The following SH3PXD2B variants were observed in gnomAD, a reference collection of about 807,000 sequenced individuals.
SH3PXD2B encodes SH3 and PX domains 2B.
In SH3PXD2B, 37 loss-of-function variants were observed where a neutral mutation model predicts 73.1. That is an observed-to-expected ratio of 0.51 (90% CI 0.39 to 0.67). SH3PXD2B has a LOEUF of 0.67. SH3PXD2B is among the 30% of genes least tolerant of loss of function. SH3PXD2B has a pLI of 0.00. For missense variants in SH3PXD2B, 1,053 were observed against 1,197.8 expected (o/e 0.88, Z 1.78); for synonymous variants, 457 against 480.5 (o/e 0.95, Z 0.64).
intron 12 of SH3PXD2B, among the ~76,000 whole-genome samples, chr5:172,342,853 T>C (rs1031343794): frequency 6.6e-6 from 1 of 152,124 alleles, no homozygotes; most frequent in African/African-American, 2.4e-5. Context: ...TTGTGGCCCT[T>C]CTGGGAGAGG....
chr5:172,454,470 G>A lies in SH3PXD2B; in HGVS notation c.-118C>T. 2.3e-6 allele frequency: 1 copy of A among 431,418 alleles called. No individual in the cohort carries two copies. Among genetic ancestry groups the A allele is most frequent in the Non-Finnish European group, 3.2e-6 (1 of 311,076 alleles). The allele number at this position is 431,418 out of a possible 1,614,324, so 26.7% of individuals were successfully genotyped here. ...TGGAGCTGAGCGCAATCGCAGCCGGGGCCGAGCACGAGCCGCCGCCGCCAC... is the reference window on the plus strand; with the variant it reads ...TGGAGCTGAGCGCAATCGCAGCCGGAGCCGAGCACGAGCCGCCGCCGCCAC... On this transcript the variant is annotated 5_prime_UTR_variant, in exon 1 of 13. Transcript: ENST00000311601.
At chr5:172,366,500 G>A (rs1191185650) in intron 6 of SH3PXD2B, among the ~76,000 whole-genome samples, 1 of 152,236 alleles carries the variant, frequency 6.6e-6, no homozygotes, top group African/African-American at 2.4e-5. Context: ...CTTTGCAGAG[G>A]CTATTTTCTC....
At position 172,400,023 on chromosome 5, in the gene SH3PXD2B, C is replaced by G. The variant is rs141384557; in HGVS notation, c.233-5384G>C. On this transcript the variant is annotated intron_variant, in intron 3 of 12. Transcript: ENST00000311601. ...ATGTTACCACGGGTGATAAATACCC[C>G]CCTCTGTGCCTTGAACATGCACCTG... Among the ~76,000 whole-genome samples the G allele has an allele frequency of 2.6e-3, 396 of 152,280 alleles. 1 individual carries two copies. The highest frequency in any genetic ancestry group is 9.0e-3 in the African/African-American group (373 of 41,552).
At chr5:172,424,614 G>A (rs1030142485) in intron 1 of SH3PXD2B, among the ~76,000 whole-genome samples, 1 of 152,220 alleles carries the variant, frequency 6.6e-6, no homozygotes, top group Non-Finnish European at 1.5e-5. Context: ...TCAGGACAAG[G>A]TTGGAGGTGA....
intron 12 of SH3PXD2B, among the ~76,000 whole-genome samples, chr5:172,342,631 T>A (rs1371326245): frequency 6.6e-6 from 1 of 152,050 alleles, no homozygotes; most frequent in South Asian, 2.1e-4. Flanking sequence ...TGTGGTGGCA[T>A]GCGCCTGTAA....
At chr5:172,449,684 T>C (rs1191746204) in intron 1 of SH3PXD2B, among the ~76,000 whole-genome samples, 1 of 152,142 alleles carries the variant, frequency 6.6e-6, no homozygotes, top group African/African-American at 2.4e-5. Flanking sequence ...TTTGCACCTA[T>C]TGGATTGGCA....
In SH3PXD2B at chr5:172,337,614, A is replaced by G. The variant is rs1312564964; in HGVS notation, c.*755T>C. On this transcript the variant is annotated 3_prime_UTR_variant, in exon 13 of 13. Coordinates refer to ENST00000311601, the MANE Select transcript of SH3PXD2B (RefSeq NM_001017995.3). ...TGAAATGCTCCAAGTTGGGGTGGGA[A>G]CTCTCATTGAAAAGCCCTGGAGGGA... 1.0e-6 allele frequency: 1 copy of G among 985,260 alleles called. No homozygotes were observed. The highest frequency in any genetic ancestry group is 1.1e-4 in the East Asian group (1 of 8,816). 61.0% of individuals were successfully genotyped at this position (985,260 alleles called of 1,614,324 possible).
At chr5:172,359,024 T>A (rs1757342997) in intron 7 of SH3PXD2B, 147 bp from the exon 8 acceptor site, 1 of 785,918 alleles carries the variant, frequency 1.3e-6, no homozygotes, top group Admixed American at 2.0e-5. Context: ...CAACTACCAA[T>A]GTTACCTGCT....
In SH3PXD2B at chr5:172,355,278, C is replaced by G. The variant is rs564035636; in HGVS notation, c.668-1273G>C. Among the ~76,000 whole-genome samples the G allele has an allele frequency of 1.3e-3, 197 of 152,356 alleles. 1 individual carries two copies. The highest frequency in any genetic ancestry group is 2.0e-3 in the Non-Finnish European group (135 of 68,038). Reference sequence around the variant, plus strand: ...TTTATTTATTGATCTAGCCTGCTGACCTGCTCGGCGGGGGCCGAGCTGACT... The same window carrying G: ...TTTATTTATTGATCTAGCCTGCTGAGCTGCTCGGCGGGGGCCGAGCTGACT... On this transcript the variant is annotated intron_variant, in intron 8 of 12. Coordinates refer to ENST00000311601, the MANE Select transcript of SH3PXD2B (RefSeq NM_001017995.3).
At chr5:172,424,038 C>T (rs1346069151) in intron 1 of SH3PXD2B, among the ~76,000 whole-genome samples, 1 of 152,094 alleles carries the variant, frequency 6.6e-6, no homozygotes, top group Non-Finnish European at 1.5e-5. Flanking sequence ...GGCTACCCAT[C>T]CTCACTGGGG....
chr5:172,347,041 G>A (rs925609888), intron 11 of SH3PXD2B, among the ~76,000 whole-genome samples: 4 of 152,204 alleles, frequency 2.6e-5, no homozygotes, highest in African/African-American at 9.6e-5. Context: ...GCAGAAGGCA[G>A]GTCCTGAGGC....
intron 6 of SH3PXD2B, among the ~76,000 whole-genome samples, chr5:172,370,055 T>C (rs1006621964): frequency 4.6e-5 from 7 of 152,202 alleles, no homozygotes; most frequent in Non-Finnish European, 8.8e-5. Context: ...TGTACCTGTC[T>C]TGTTCATTCA....
intron 4 of SH3PXD2B, among the ~76,000 whole-genome samples, chr5:172,386,191 C>T (rs572892379): frequency 1.2e-4 from 18 of 152,224 alleles, no homozygotes; most frequent in South Asian, 4.1e-4. Flanking sequence ...ATCTGTAAAG[C>T]GGAAATAAAG....
At chr5:172,435,285 T>C (rs532924225) in intron 1 of SH3PXD2B, among the ~76,000 whole-genome samples, 2 of 152,328 alleles carry the variant, frequency 1.3e-5, no homozygotes, top group South Asian at 2.1e-4. Context: ...GTGAGTCAAT[T>C]TGAAGAATAC....
chr5:172,328,664 T>C (rs201932359), downstream of SH3PXD2B, among the ~76,000 whole-genome samples: 3 of 152,086 alleles, frequency 2.0e-5, no homozygotes, highest in East Asian at 5.8e-4. Flanking sequence ...CTGGCAGTCA[T>C]GGTGTCTCAA....
At chr5:172,372,866 G>A (rs1321828582) in intron 6 of SH3PXD2B, among the ~76,000 whole-genome samples, 4 of 152,142 alleles carry the variant, frequency 2.6e-5, no homozygotes, top group African/African-American at 7.2e-5. Context: ...TGGAAGTTCC[G>A]AAGTCCACAT....
chr5:172,382,895 ATT>A (rs5873322), intron 4 of SH3PXD2B, among the ~76,000 whole-genome samples: 1 of 143,314 alleles, frequency 7.0e-6, no homozygotes. Context: ...TGCCTGGCTA[ATT>A]TTTTTTTTTT....
chr5:172,411,483 T>G (rs1334037756), intron 2 of SH3PXD2B, among the ~76,000 whole-genome samples: 1 of 152,174 alleles, frequency 6.6e-6, no homozygotes, highest in African/African-American at 2.4e-5. Context: ...AGATCTGGGT[T>G]TAAATACTGC....
chr5:172,398,710 T>C (rs1227525768), intron 3 of SH3PXD2B, among the ~76,000 whole-genome samples: 2 of 152,210 alleles, frequency 1.3e-5, no homozygotes, highest in African/African-American at 4.8e-5. Context: ...CCAAAAACTT[T>C]TGGGTAACAT....
Sources: gnomAD v4.1 joint callset for allele counts (sites outside exome capture counted in the v4.1 genomes callset) on GRCh38, gnomAD v4.1.1 for gene constraint, MANE v1.5 for transcripts, NCBI Gene and HGNC (gene_info 2026-07-23, HGNC 2026-07-21) for gene names.